The following HIGD1C variants were observed in gnomAD, a reference collection of about 807,000 sequenced individuals.
HIGD1C encodes the protein HIG1 hypoxia inducible domain family member 1C.
Under a neutral mutation model 13.1 loss-of-function variants are expected in HIGD1C, and 11 were observed. The observed-to-expected ratio is 0.84, with a 90% CI of 0.53 to 1.39. HIGD1C has a LOEUF of 1.39. Ranked by LOEUF, HIGD1C falls within the 40% of genes most tolerant of loss-of-function variation. The pLI is 0.00. For missense variants in HIGD1C, 110 were observed against 112.0 expected, an observed-to-expected ratio of 0.98 and a Z score of 0.08; for synonymous variants, 36 against 37.7, an observed-to-expected ratio of 0.95 and a Z score of 0.17.
chr12:50,957,520 T>C (rs2139793947), intron 1 of HIGD1C, among the ~76,000 whole-genome samples: 1 of 152,004 alleles, frequency 6.6e-6, no homozygotes, highest in African/African-American at 2.4e-5. Flanking sequence ...CTTCTTTTAA[T>C]CGATCCTTAC....
intron 2 of HIGD1C, among the ~76,000 whole-genome samples, chr12:50,969,997 A>G (rs1939704418): frequency 6.6e-6 from 1 of 152,108 alleles, no homozygotes; most frequent in Non-Finnish European, 1.5e-5. Flanking sequence ...GAAGCCATAC[A>G]TATCATCCGC....
intron 2 of HIGD1C, among the ~76,000 whole-genome samples, chr12:50,969,520 C>T (rs958838708): frequency 4.6e-5 from 7 of 151,760 alleles, no homozygotes; most frequent in East Asian, 1.9e-4. Context: ...GCCAACATGG[C>T]GAAACGCTGT....
upstream of HIGD1C, among the ~76,000 whole-genome samples, chr12:50,953,222 A>T (rs768159020): frequency 1.6e-4 from 24 of 152,228 alleles, no homozygotes; most frequent in Non-Finnish European, 2.9e-4. Context: ...CTGAAGGAAC[A>T]ACAGGAGACA....
the HIGD1C span, among the ~76,000 whole-genome samples, chr12:50,948,882 GAGGGGAGGGGGA>G: frequency 1.3e-4 from 1 of 7,532 alleles, no homozygotes; most frequent in Non-Finnish European, 2.8e-4. Context: ...AGGGGAGGGG[GAGGGGAGGGGGA>G]GGGGGAGGGG....
At chr12:50,933,615 C>G in the HIGD1C span, among the ~76,000 whole-genome samples, 1 of 152,252 alleles carries the variant, frequency 6.6e-6, no homozygotes, top group South Asian at 2.1e-4. Context: ...CTTCATGCTT[C>G]CAGGGCACAA....
chr12:50,969,377 G>T (rs770542361), intron 2 of HIGD1C, among the ~76,000 whole-genome samples: 1 of 152,002 alleles, frequency 6.6e-6, no homozygotes, highest in Non-Finnish European at 1.5e-5. Context: ...TGGAAAGTTT[G>T]GAGACCACCT....
chr12:50,963,791 TAAAAG>T (rs1939438613), intron 2 of HIGD1C, among the ~76,000 whole-genome samples: 1 of 152,190 alleles, frequency 6.6e-6, no homozygotes, highest in African/African-American at 2.4e-5. Context: ...ACCCTGGTAA[TAAAAG>T]GAAAGGAATT....
intron 2 of HIGD1C, among the ~76,000 whole-genome samples, chr12:50,965,985 G>C (rs550605471): frequency 1.3e-5 from 2 of 152,280 alleles, no homozygotes; most frequent in East Asian, 3.9e-4. Context: ...ACCAAACCTA[G>C]AGCTTTTCTG....
At chr12:50,955,215 C>A (rs758303178) in intron 1 of HIGD1C, among the ~76,000 whole-genome samples, 4 of 152,138 alleles carry the variant, frequency 2.6e-5, no homozygotes, top group Non-Finnish European at 5.9e-5. Context: ...ATCACTTGAA[C>A]CCGGGAGGTA....
exon 3 of HIGD1C, chr12:50,970,496 C>T: frequency 1.3e-6 from 2 of 1,527,036 alleles, no homozygotes; most frequent in Non-Finnish European, 1.8e-6. Flanking sequence ...TTCAGTGAGT[C>T]CAAAAAATGA....
At chr12:50,957,959 T>TGC (rs761610165) in intron 1 of HIGD1C, among the ~76,000 whole-genome samples, 2 of 124,498 alleles carry the variant, frequency 1.6e-5, no homozygotes, top group Non-Finnish European at 3.3e-5. Flanking sequence ...TGTGTGTGTG[T>TGC]GTGTGTGTGT....
At chr12:50,956,243 T>A (rs1939089033) in intron 1 of HIGD1C, among the ~76,000 whole-genome samples, 1 of 152,034 alleles carries the variant, frequency 6.6e-6, no homozygotes, top group Non-Finnish European at 1.5e-5. Flanking sequence ...AATACAAAAA[T>A]TAGCTGGGTG....
At chr12:50,935,122 T>C in the HIGD1C span, 1 of 152,212 alleles carries the variant, frequency 6.6e-6, no homozygotes, top group Admixed American at 6.5e-5. Context: ...GAACTTAACA[T>C]AACTGAAATT....
At chr12:50,970,216 C>T (rs1257769597) in intron 2 of HIGD1C, among the ~76,000 whole-genome samples, 1 of 152,176 alleles carries the variant, frequency 6.6e-6, no homozygotes, top group Non-Finnish European at 1.5e-5. Context: ...GGCACTAAAA[C>T]ATCATAAATT....
upstream of HIGD1C, among the ~76,000 whole-genome samples, chr12:50,950,537 T>A (rs1008042372): frequency 2.0e-5 from 3 of 152,154 alleles, no homozygotes; most frequent in African/African-American, 4.8e-5. Context: ...GGAATTTCCC[T>A]CTGTCACCCA....
chr12:50,970,414 C>T (rs1345091421), intron 2 of HIGD1C, 28 bp from the exon 5 acceptor site: 1 of 1,127,952 alleles, frequency 8.9e-7, no homozygotes, highest in Non-Finnish European at 1.3e-6. Flanking sequence ...CATGGATACT[C>T]AATTGATATA....
At chr12:50,963,388 A>G (rs71466991) in intron 2 of HIGD1C, among the ~76,000 whole-genome samples, 100 of 147,082 alleles carry the variant, frequency 6.8e-4, no homozygotes, top group African/African-American at 2.2e-3. Context: ...AAAAAAAAAA[A>G]AAAAAGAAAA....
intron 1 of HIGD1C, 74 bp from the exon 4 acceptor site, chr12:50,960,894 G>A (rs1490514569): frequency 9.8e-6 from 13 of 1,328,664 alleles, no homozygotes; most frequent in Non-Finnish European, 1.2e-5. Context: ...TGCCCAGGCT[G>A]TTTTCAAACT....
the HIGD1C span, chr12:50,931,301 A>G: frequency 6.6e-6 from 1 of 152,134 alleles, no homozygotes; most frequent in Non-Finnish European, 1.5e-5. Context: ...TTAAAAAGGG[A>G]GCAGTGAAAA....
Sources: allele counts gnomAD v4.1 joint callset (sites outside exome capture counted in the v4.1 genomes callset), GRCh38; gene constraint gnomAD v4.1.1; transcripts MANE v1.5; gene names NCBI Gene and HGNC (gene_info 2026-07-23, HGNC 2026-07-21).